The following TENM3 variants were observed in gnomAD, a reference collection of about 807,000 sequenced individuals.
TENM3 encodes teneurin-3.
Under a neutral mutation model 255.1 loss-of-function variants are expected in TENM3, and 63 were observed. The ratio of observed to expected loss-of-function variants is 0.25; its 90% CI spans 0.20 to 0.30. The LOEUF is 0.30. Among genes scored for constraint, TENM3 ranks in the 10% least tolerant of loss-of-function variants. TENM3 has a pLI of 1.00. For missense variants in TENM3, 2,929 were observed against 3,461.1 expected, an observed-to-expected ratio of 0.85 and a Z score of 3.86; for synonymous variants, 1,306 against 1,322.3, an observed-to-expected ratio of 0.99 and a Z score of 0.27.
the TENM3 span, among the ~76,000 whole-genome samples, chr4:181,510,574 AAAG>A: frequency 5.9e-5 from 9 of 152,290 alleles, no homozygotes; most frequent in African/African-American, 2.2e-4. Flanking sequence ...TTTTTTAAAA[AAAG>A]AAAGTGTAAC....
At chr4:181,547,449 T>C in the TENM3 span, among the ~76,000 whole-genome samples, 15 of 152,098 alleles carry the variant, frequency 9.9e-5, no homozygotes, top group Non-Finnish European at 1.5e-4. Context: ...AGATATGTAA[T>C]ATCAAACTAA....
At chr4:181,551,101 C>T in the TENM3 span, among the ~76,000 whole-genome samples, 1 of 152,032 alleles carries the variant, frequency 6.6e-6, no homozygotes, top group Non-Finnish European at 1.5e-5. Context: ...TTTTTTCCCC[C>T]ACCCCTGGGA....
chr4:182,512,891 T>C (rs1737565968), intron 3 of TENM3, among the ~76,000 whole-genome samples: 1 of 152,156 alleles, frequency 6.6e-6, no homozygotes, highest in African/African-American at 2.4e-5. Flanking sequence ...CAAAATAGTG[T>C]CCAGTTTATA....
chr4:181,745,834 T>C, the TENM3 span, among the ~76,000 whole-genome samples: 1 of 152,166 alleles, frequency 6.6e-6, no homozygotes, highest in Non-Finnish European at 1.5e-5. Flanking sequence ...ACAAAAGGAC[T>C]GTGGAGGTGA....
At chr4:181,773,635 T>C in the TENM3 span, among the ~76,000 whole-genome samples, 1 of 152,228 alleles carries the variant, frequency 6.6e-6, no homozygotes, top group Non-Finnish European at 1.5e-5. Flanking sequence ...GAATTAGTGA[T>C]TCCTACTTCA....
chr4:182,226,015 G>A lies in TENM3; in HGVS notation c.-76+81261G>A, dbSNP rs149452764. 3.2e-3 allele frequency among the ~76,000 whole-genome samples: 485 copies of A among 152,262 alleles called. 6 individuals carry two copies. Among genetic ancestry groups the A allele is most frequent in the African/African-American group, 0.011 (449 of 41,540 alleles). The stretch of plus-strand genomic sequence containing the variant: ...TACAGACCAAGGGCAATTACCCTGA[G>A]TATTTTATAATATAGCTAGAACGTT... On this transcript the variant is annotated intron_variant, in intron 1 of 2. Coordinates refer to the TENM3 transcript ENST00000512480.
At chr4:182,506,842 A>G (rs1396987754) in intron 3 of TENM3, among the ~76,000 whole-genome samples, 1 of 152,210 alleles carries the variant, frequency 6.6e-6, no homozygotes, top group African/African-American at 2.4e-5. Flanking sequence ...CTGTTTTGAT[A>G]GTACTTAAAC....
the TENM3 span, among the ~76,000 whole-genome samples, chr4:181,489,730 A>G: frequency 6.6e-6 from 1 of 152,222 alleles, no homozygotes; most frequent in Non-Finnish European, 1.5e-5. Flanking sequence ...TTAAATAACT[A>G]ATTTCACTTT....
At chr4:182,646,032 G>A (rs1462069420) in intron 5 of TENM3, among the ~76,000 whole-genome samples, 1 of 152,084 alleles carries the variant, frequency 6.6e-6, no homozygotes, top group African/African-American at 2.4e-5. Context: ...TCTTGTCAAG[G>A]GGTTTCTGCT....
Position 182,792,625 on chromosome 4 carries a change from G to T in TENM3, c.5953G>T (p.Asp1985Tyr), listed in dbSNP as rs1182937673. ...CCTAAAGACAGTAAACCTCCAGAGT[G>T]ATGGTTTTATTTGCACCATTAGATA... Reference protein sequence around the residue: ...GVLKTVNLQSDGFICTIRYRQ... With the variant: ...GVLKTVNLQSYGFICTIRYRQ... The change falls in exon 26 of 28, where the codon GAT becomes TAT. Residue 1985 changes from aspartate to tyrosine, a missense_variant. Asp to Tyr is a radical substitution (Grantham distance 160, BLOSUM62 -3). Transcript: ENST00000511685. This position sits in a 1 kb window ranked among gnomAD's most constrained non-coding sequence, Gnocchi z 6.3. 1 of 1,613,852 alleles carries T rather than the reference G, an allele frequency of 6.2e-7. No individual in the cohort carries two copies. Among genetic ancestry groups the T allele is most frequent in the Non-Finnish European group, 8.5e-7 (1 of 1,179,900 alleles).
At chr4:181,896,654 A>G in the TENM3 span, among the ~76,000 whole-genome samples, 4 of 152,316 alleles carry the variant, frequency 2.6e-5, no homozygotes, top group African/African-American at 9.6e-5. Flanking sequence ...GGAGGCATGC[A>G]TTGACCACTG....
chr4:181,718,783 T>C, the TENM3 span, among the ~76,000 whole-genome samples: 1 of 152,160 alleles, frequency 6.6e-6, no homozygotes, highest in African/African-American at 2.4e-5. Context: ...AAGGCAAGGA[T>C]TAGTTTTGCT....
At position 182,385,517 on chromosome 4, in the gene TENM3, G is replaced by A. The variant is rs377709101; in HGVS notation, c.511+38588G>A. On this transcript the variant is annotated intron_variant, in intron 3 of 27. Transcript: ENST00000511685. ...TAACCTCAGGTGATCCACCTGCCTCGGCCTCCCAAAGTGCTGGGATTATAG... is the reference window on the plus strand; with the variant it reads ...TAACCTCAGGTGATCCACCTGCCTCAGCCTCCCAAAGTGCTGGGATTATAG... Among the ~76,000 whole-genome samples the A allele has an allele frequency of 1.8e-4, 27 of 152,090 alleles. 1 individual carries two copies. In the East Asian group the frequency reaches 3.5e-3, roughly 20 times the overall value.
intron 3 of TENM3, among the ~76,000 whole-genome samples, chr4:182,576,192 A>G (rs1345982096): frequency 6.6e-6 from 1 of 152,136 alleles, no homozygotes; most frequent in Non-Finnish European, 1.5e-5. Context: ...CCCTAGCAAA[A>G]CCAAGTTTCT....
At chr4:182,281,188 C>T (rs947102346) in intron 1 of TENM3, among the ~76,000 whole-genome samples, 19 of 152,168 alleles carry the variant, frequency 1.2e-4, no homozygotes, top group Admixed American at 5.2e-4. Context: ...ATATGGTCAT[C>T]CTATCTTTAA....
the TENM3 span, among the ~76,000 whole-genome samples, chr4:181,723,525 G>A: frequency 6.6e-6 from 1 of 151,898 alleles, no homozygotes; most frequent in Non-Finnish European, 1.5e-5. Flanking sequence ...TCATTTAGCT[G>A]GGTATAGAAC....
intron 1 of TENM3, among the ~76,000 whole-genome samples, chr4:182,209,128 C>T (rs1422501845): frequency 7.9e-5 from 12 of 152,000 alleles, no homozygotes; most frequent in Non-Finnish European, 1.0e-4. Flanking sequence ...GCACCATGCC[C>T]GGCCAATTTT....
At chr4:182,234,441 A>G (rs1023707953) in intron 1 of TENM3, among the ~76,000 whole-genome samples, 7 of 152,184 alleles carry the variant, frequency 4.6e-5, no homozygotes, top group African/African-American at 1.7e-4. Context: ...TAGAAATAGA[A>G]ATAAAACACA....
intron 25 of TENM3, among the ~76,000 whole-genome samples, chr4:182,791,710 A>G (rs934490348): frequency 6.6e-6 from 1 of 152,170 alleles, no homozygotes; most frequent in African/African-American, 2.4e-5. Flanking sequence ...TTAATTTCAC[A>G]ATATTTTTTG....
Sources: gnomAD v4.1 joint callset for allele counts (sites outside exome capture counted in the v4.1 genomes callset) on GRCh38, gnomAD v4.1.1 for gene constraint, Gnocchi (gnomAD v3.1) non-coding constraint, MANE v1.5 for transcripts, NCBI Gene and HGNC (gene_info 2026-07-23, HGNC 2026-07-21) for gene names.